AKAP13: variants seen among roughly 807,000 people sequenced by gnomAD.
AKAP13 encodes the protein A-kinase anchoring protein 13, also known as A-kinase anchor protein 13.
Under a neutral mutation model 264.5 loss-of-function variants are expected in AKAP13, and 80 were observed. The observed-to-expected ratio is 0.30, with a 90% confidence interval of 0.25 to 0.36. The LOEUF is 0.36. Ranked by LOEUF, AKAP13 falls within the 10% of genes least tolerant of loss-of-function variation. The pLI, the probability that AKAP13 is intolerant of heterozygous loss-of-function variation, is 1.00. For synonymous variants in AKAP13, 1,380 were observed against 1,250.2 expected (o/e 1.10, Z -2.19); for missense variants, 3,712 against 3,435.2 (o/e 1.08, Z -2.01).
rs983471164 is a variant in AKAP13, at chr15:85,743,820, C to G, written c.8387C>G (p.Pro2796Arg). The G allele has an allele frequency of 3.1e-6, 5 of 1,608,264 alleles. No homozygotes were observed. The African/African-American group carries it at 6.7e-5, about 22-fold the overall frequency. ...AAGAACAAAACCAGCCGCTCTCAGC[C>G]CGGTGGTGAGTCACGCACACCTGCT... ...KKKNKTSRSQ[P>R]GDGPASEVSA... The change falls in exon 36 of 37, where the codon CCC becomes CGC. Residue 2796 changes from proline (P) to arginine (R), a missense_variant. Pro to Arg is a moderately radical substitution (Grantham distance 103). Transcript: ENST00000394518.
intron 20 of AKAP13, among the ~76,000 whole-genome samples, chr15:85,716,472 A>G (rs749172944): frequency 2.0e-5 from 3 of 152,152 alleles, no homozygotes; most frequent in Admixed American, 1.3e-4. Flanking sequence ...TTGGCTGTCA[A>G]GTGGTTAGCA....
Position 85,724,597 on chromosome 15 carries a change from G to A in AKAP13, c.6745+1277G>A, listed in dbSNP as rs1033397006. Among the ~76,000 whole-genome samples the A allele has an allele frequency of 6.6e-6, 1 of 151,704 alleles. No individual in the cohort carries two copies. Reference sequence around the variant, plus strand: ...GGGAGGGGCCAGGTTGTAATGAGGTGCATTCTCCAGACTGAGGAGTTAACA... The same window carrying A: ...GGGAGGGGCCAGGTTGTAATGAGGTACATTCTCCAGACTGAGGAGTTAACA... On this transcript the variant is annotated intron_variant, in intron 26 of 36. Coordinates refer to ENST00000394518, the MANE Select transcript of AKAP13 (RefSeq NM_007200.5). This position sits in a 1 kb window ranked among gnomAD's most constrained non-coding sequence, Gnocchi z 4.2.
intron 5 of AKAP13, among the ~76,000 whole-genome samples, chr15:85,555,093 C>T (rs2078095572): frequency 6.6e-6 from 1 of 151,918 alleles, no homozygotes. Flanking sequence ...TCTTGTGGCC[C>T]TGGGTATGCA....
chr15:85,700,930 G>A (rs1336832243), intron 17 of AKAP13, among the ~76,000 whole-genome samples: 2 of 152,172 alleles, frequency 1.3e-5, no homozygotes, highest in African/African-American at 4.8e-5. Flanking sequence ...GTAGGTAAGT[G>A]AATTGCGAAT....
chr15:85,667,526 A>G (rs2151557271), intron 13 of AKAP13, among the ~76,000 whole-genome samples: 1 of 152,320 alleles, frequency 6.6e-6, no homozygotes, highest in East Asian at 1.9e-4. Flanking sequence ...CAGTGAAAAA[A>G]TCTTTAAAAT....
intron 19 of AKAP13, among the ~76,000 whole-genome samples, chr15:85,714,252 A>T (rs1349860741): frequency 1.3e-5 from 2 of 152,258 alleles, no homozygotes; most frequent in African/African-American, 4.8e-5. Context: ...GAAGTAGATC[A>T]TCATAAAGGT....
At chr15:85,544,120 C>G (rs1285664738) in intron 5 of AKAP13, 165 bp downstream of exon 5, 1 of 806,628 alleles carries the variant, frequency 1.2e-6, no homozygotes, top group South Asian at 1.5e-5. Context: ...TCCTGCTAAC[C>G]ACTTCATTGT....
intron 5 of AKAP13, among the ~76,000 whole-genome samples, chr15:85,562,853 G>A (rs1332615335): frequency 3.1e-5 from 4 of 129,910 alleles, no homozygotes; most frequent in Non-Finnish European, 6.5e-5. Context: ...GCGCCACCAC[G>A]CCCAGCAGGT....
chr15:85,467,121 G>A (rs1475636487), intron 1 of AKAP13, among the ~76,000 whole-genome samples: 5 of 151,528 alleles, frequency 3.3e-5, no homozygotes, highest in African/African-American at 7.3e-5. Context: ...TCAATCATCC[G>A]TGTATTAGTG....
chr15:85,694,707 C>T (rs1445790368), intron 17 of AKAP13, among the ~76,000 whole-genome samples: 1 of 152,178 alleles, frequency 6.6e-6, no homozygotes, highest in Non-Finnish European at 1.5e-5. Flanking sequence ...CAGGGTAAAT[C>T]AAGGAGGCTG....
intron 17 of AKAP13, among the ~76,000 whole-genome samples, chr15:85,706,554 A>C (rs1388953024): frequency 6.6e-6 from 1 of 152,240 alleles, no homozygotes; most frequent in Non-Finnish European, 1.5e-5. Context: ...GCCAGGACCT[A>C]CGTCAAATTT....
chr15:85,687,020 T>C (rs2084973245), intron 16 of AKAP13, among the ~76,000 whole-genome samples: 1 of 152,196 alleles, frequency 6.6e-6, no homozygotes, highest in Non-Finnish European at 1.5e-5. Context: ...ATCTCCCCAA[T>C]GTCATGGAGT....
intron 1 of AKAP13, among the ~76,000 whole-genome samples, chr15:85,467,374 A>G (rs1468422444): frequency 6.6e-6 from 1 of 152,080 alleles, no homozygotes; most frequent in Non-Finnish European, 1.5e-5. Flanking sequence ...TCCGCTTCAC[A>G]GCATCCTCAT....
chr15:85,590,416 A>T (rs954430194), intron 8 of AKAP13, among the ~76,000 whole-genome samples: 1 of 152,196 alleles, frequency 6.6e-6, no homozygotes, highest in African/African-American at 2.4e-5. Context: ...TTAGTCTGCT[A>T]TCTGTCATAC....
rs746800937 is a variant in AKAP13, at chr15:85,736,077, T to C, written c.7513-13T>C. On this transcript the variant is annotated splice_polypyrimidine_tract_variant and intron_variant, in intron 32 of 36. Coordinates refer to ENST00000394518, the MANE Select transcript of AKAP13 (RefSeq NM_007200.5). ...ATCTTCATTTTTTTATATGTATGTT[T>C]TTTGTTTTATAGGGTGGAAATGCTA... 3 of 1,590,798 alleles carry C rather than the reference T, an allele frequency of 1.9e-6. No individual in the cohort carries two copies. The highest frequency in any genetic ancestry group is 2.6e-6 in the Non-Finnish European group (3 of 1,159,448).
chr15:85,498,429 G>A (rs1430934887), intron 2 of AKAP13, among the ~76,000 whole-genome samples: 1 of 152,052 alleles, frequency 6.6e-6, no homozygotes, highest in Non-Finnish European at 1.5e-5. Flanking sequence ...TCCTTGTAAG[G>A]TAACTTACTT....
At chr15:85,661,936 G>A (rs1387852890) in intron 12 of AKAP13, among the ~76,000 whole-genome samples, 1 of 150,072 alleles carries the variant, frequency 6.7e-6, no homozygotes, top group Non-Finnish European at 1.5e-5. Context: ...GACTCCATGA[G>A]CCCACCAGAG....
chr15:85,496,332 T>C (rs148329798), intron 2 of AKAP13, among the ~76,000 whole-genome samples: 166 of 152,158 alleles, frequency 1.1e-3, no homozygotes, highest in Non-Finnish European at 2.0e-3. Flanking sequence ...CAGACTTACA[T>C]TTTCAGCCTC....
chr15:85,662,542 C>T, intron 12 of AKAP13: 1 of 1,463,968 alleles, frequency 6.8e-7, no homozygotes, highest in Non-Finnish European at 9.6e-7. Flanking sequence ...TTCTGTGTGG[C>T]TGGGATGCAT....
Sources: allele counts gnomAD v4.1 joint callset (sites outside exome capture counted in the v4.1 genomes callset), GRCh38; gene constraint gnomAD v4.1.1; non-coding constraint Gnocchi (gnomAD v3.1); transcripts MANE v1.5; gene names NCBI Gene and HGNC (gene_info 2026-07-23, HGNC 2026-07-21).